The following PRIM2 variants were observed in gnomAD, a reference collection of about 807,000 sequenced individuals.
PRIM2 encodes the protein DNA primase large subunit.
Under a neutral mutation model 67.3 loss-of-function variants are expected in PRIM2, and 39 were observed. The observed-to-expected ratio is 0.58, with a 90% CI of 0.45 to 0.76. The LOEUF (loss-of-function observed/expected upper bound fraction) is 0.76, where lower values mean the gene tolerates loss of function less well. PRIM2 is among the 30% of genes least tolerant of loss of function. The pLI, the probability that PRIM2 is intolerant of heterozygous loss-of-function variation, is 0.00. For missense variants in PRIM2, 398 were observed against 598.7 expected, an observed-to-expected ratio of 0.66 and a Z score of 3.50; for synonymous variants, 143 against 198.7, an observed-to-expected ratio of 0.72 and a Z score of 2.36.
intron 7 of PRIM2, among the ~76,000 whole-genome samples, chr6:57,467,536 GTA>G (rs1415825384): frequency 5.9e-5 from 9 of 152,166 alleles, no homozygotes; most frequent in African/African-American, 2.2e-4. Context: ...TAGCCGTATA[GTA>G]TAGTTTGAAG....
intron 11 of PRIM2, among the ~76,000 whole-genome samples, chr6:57,603,037 C>T (rs1293761817): frequency 1.4e-4 from 21 of 152,270 alleles, no homozygotes; most frequent in African/African-American, 5.1e-4. Flanking sequence ...CCATAGTTTA[C>T]AAGAGTTCAT....
chr6:57,580,608 C>G (rs1376895733), intron 10 of PRIM2, among the ~76,000 whole-genome samples: 1 of 152,134 alleles, frequency 6.6e-6, no homozygotes, highest in Non-Finnish European at 1.5e-5. Flanking sequence ...TTCTCTGTAT[C>G]CCTGTGTCTT....
At chr6:57,339,601 G>A (rs965833576) in intron 5 of PRIM2, among the ~76,000 whole-genome samples, 3 of 152,082 alleles carry the variant, frequency 2.0e-5, no homozygotes, top group Admixed American at 6.6e-5. Flanking sequence ...AACAAGCAAT[G>A]GGGAAAGGAT....
At chr6:57,339,975 T>C (rs1305476930) in intron 5 of PRIM2, among the ~76,000 whole-genome samples, 4 of 150,804 alleles carry the variant, frequency 2.7e-5, no homozygotes, top group African/African-American at 9.8e-5. Flanking sequence ...AGGGCTAATA[T>C]CCAGAATCTA....
chr6:57,387,841 T>G (rs1770201950), intron 7 of PRIM2, among the ~76,000 whole-genome samples: 1 of 151,430 alleles, frequency 6.6e-6, no homozygotes, highest in African/African-American at 2.4e-5. Flanking sequence ...ACTTAACAAA[T>G]TAGATGAGAT....
At chr6:57,604,546 T>C (rs1776526918) in intron 11 of PRIM2, among the ~76,000 whole-genome samples, 1 of 152,148 alleles carries the variant, frequency 6.6e-6, no homozygotes, top group South Asian at 2.1e-4. Context: ...TTGTTCCCAT[T>C]CTCAAGGGGA....
chr6:57,642,372 T>C (rs1185119283), intron 13 of PRIM2, among the ~76,000 whole-genome samples: 6 of 150,380 alleles, frequency 4.0e-5, no homozygotes, highest in Non-Finnish European at 7.4e-5. Context: ...TTAAGTATAA[T>C]TTAAAAAATA....
chr6:57,548,695 T>C (rs1489481216), intron 10 of PRIM2, among the ~76,000 whole-genome samples: 2 of 152,140 alleles, frequency 1.3e-5, no homozygotes, highest in African/African-American at 2.4e-5. Context: ...AAGAATTGCA[T>C]TGGGAGTTTA....
chr6:57,261,028 T>C, the PRIM2 span, among the ~76,000 whole-genome samples: 1 of 152,206 alleles, frequency 6.6e-6, no homozygotes, highest in South Asian at 2.1e-4. Flanking sequence ...ACAGATTCAA[T>C]GGAAGTTTTT....
chr6:57,485,090 T>C (rs1247552660), intron 7 of PRIM2, among the ~76,000 whole-genome samples: 1 of 152,130 alleles, frequency 6.6e-6, no homozygotes. Flanking sequence ...TTAGGAGATA[T>C]TTGAATATGG....
At chr6:57,283,357 A>ATATG in the PRIM2 span, among the ~76,000 whole-genome samples, 1 of 152,070 alleles carries the variant, frequency 6.6e-6, no homozygotes, top group Non-Finnish European at 1.5e-5. Flanking sequence ...TGAACTTGGC[A>ATATG]TATGTTCTTG....
intron 5 of PRIM2, among the ~76,000 whole-genome samples, chr6:57,336,744 A>G (rs1377258461): frequency 6.6e-6 from 1 of 152,216 alleles, no homozygotes; most frequent in African/African-American, 2.4e-5. Context: ...GGTACCAGCC[A>G]CTGCAAAATC....
At chr6:57,351,395 A>G (rs1768852067) in intron 5 of PRIM2, among the ~76,000 whole-genome samples, 1 of 152,132 alleles carries the variant, frequency 6.6e-6, no homozygotes. Flanking sequence ...TTAGAAGGAT[A>G]TTGCCAGTGT....
At chr6:57,538,467 A>G (rs1295355574) in intron 10 of PRIM2, among the ~76,000 whole-genome samples, 5 of 152,218 alleles carry the variant, frequency 3.3e-5, no homozygotes, top group African/African-American at 1.2e-4. Flanking sequence ...TTACTTGGAA[A>G]TATGATTTCT....
intron 5 of PRIM2, among the ~76,000 whole-genome samples, chr6:57,375,684 T>G (rs1406474600): frequency 3.3e-5 from 5 of 151,882 alleles, no homozygotes; most frequent in African/African-American, 1.2e-4. Flanking sequence ...TTTTTTTTTT[T>G]TTTTTAAAGT....
At chr6:57,462,563 G>A (rs1186751094) in intron 7 of PRIM2, among the ~76,000 whole-genome samples, 1 of 152,192 alleles carries the variant, frequency 6.6e-6, no homozygotes, top group Non-Finnish European at 1.5e-5. Context: ...TTATGTAGGT[G>A]TTTGTTTTCT....
chr6:57,223,031 T>C, the PRIM2 span, among the ~76,000 whole-genome samples: 6 of 152,186 alleles, frequency 3.9e-5, no homozygotes, highest in Admixed American at 2.6e-4. Flanking sequence ...AATAATTCCT[T>C]AATGAGAATA....
chr6:57,578,689 T>G (rs1299929314), intron 10 of PRIM2, among the ~76,000 whole-genome samples: 1 of 144,686 alleles, frequency 6.9e-6, no homozygotes, highest in Non-Finnish European at 1.5e-5. Context: ...TTTTTTTTTT[T>G]TTTTTGAGAC....
intron 10 of PRIM2, among the ~76,000 whole-genome samples, chr6:57,550,280 TATGTTAAGG>T (rs1171512480): frequency 6.6e-6 from 1 of 152,226 alleles, no homozygotes; most frequent in Non-Finnish European, 1.5e-5. Context: ...AAGATATGTG[TATGTTAAGG>T]GTTTAATTCT....
Sources: allele counts gnomAD v4.1 joint callset (sites outside exome capture counted in the v4.1 genomes callset), GRCh38; gene constraint gnomAD v4.1.1; transcripts MANE v1.5; gene names NCBI Gene and HGNC (gene_info 2026-07-23, HGNC 2026-07-21).